SUCLG2: variants seen among roughly 807,000 people sequenced by gnomAD.
SUCLG2 encodes the protein succinate--CoA ligase [GDP-forming] subunit beta, mitochondrial.
In SUCLG2, 42 loss-of-function variants were observed where a neutral mutation model predicts 47.9. The observed-to-expected ratio is 0.88, with a 90% CI of 0.69 to 1.14. The LOEUF (loss-of-function observed/expected upper bound fraction) is 1.14, where lower values mean the gene tolerates loss of function less well. SUCLG2 is among the 50% of genes most tolerant of loss of function. SUCLG2 has a pLI of 0.00. For synonymous variants in SUCLG2, 195 were observed against 197.3 expected, an observed-to-expected ratio of 0.99 and a Z score of 0.10; for missense variants, 571 against 525.9, an observed-to-expected ratio of 1.09 and a Z score of -0.84.
chr3:67,558,821 T>C (rs1392901806), intron 2 of SUCLG2, among the ~76,000 whole-genome samples: 1 of 152,198 alleles, frequency 6.6e-6, no homozygotes, highest in African/African-American at 2.4e-5. Context: ...TCAGGCTGGT[T>C]TGTTAACCAG....
intron 1 of SUCLG2, among the ~76,000 whole-genome samples, chr3:67,620,189 G>A (rs1700708238): frequency 6.6e-6 from 1 of 152,206 alleles, no homozygotes; most frequent in African/African-American, 2.4e-5. Context: ...TTTGTGGTCA[G>A]CAAGCTTTTG....
At chr3:67,549,766 C>G (rs1294310847) in intron 2 of SUCLG2, among the ~76,000 whole-genome samples, 1 of 151,996 alleles carries the variant, frequency 6.6e-6, no homozygotes. Context: ...ATATACAAAT[C>G]TATAACTGAG....
chr3:67,451,236 C>T (rs576989381), intron 9 of SUCLG2, among the ~76,000 whole-genome samples: 2 of 152,288 alleles, frequency 1.3e-5, no homozygotes, highest in East Asian at 3.9e-4. Context: ...TTCCTTCATC[C>T]AAACTTTACT....
chr3:67,390,652 GTT>G (rs200231997), intron 10 of SUCLG2, among the ~76,000 whole-genome samples: 2 of 145,200 alleles, frequency 1.4e-5, no homozygotes, highest in East Asian at 2.0e-4. Flanking sequence ...TGAAATGAGG[GTT>G]TTTTTTTTTT....
At chr3:67,407,522 T>C (rs1702842059) in intron 9 of SUCLG2, among the ~76,000 whole-genome samples, 1 of 152,190 alleles carries the variant, frequency 6.6e-6, no homozygotes, top group Non-Finnish European at 1.5e-5. Flanking sequence ...CTCCCTGACA[T>C]TGGTTGGAAG....
intron 2 of SUCLG2, among the ~76,000 whole-genome samples, chr3:67,548,583 T>C (rs1706929114): frequency 6.6e-6 from 1 of 152,244 alleles, no homozygotes; most frequent in African/African-American, 2.4e-5. Flanking sequence ...AGGTAAAATT[T>C]AATTTCAGTG....
chr3:67,408,990 C>A, intron 9 of SUCLG2: 1 of 1,535,416 alleles, frequency 6.5e-7, no homozygotes, highest in Non-Finnish European at 8.7e-7. Flanking sequence ...GCTTCTGAGT[C>A]CTGTATTCTG....
intron 2 of SUCLG2, among the ~76,000 whole-genome samples, chr3:67,602,961 A>C (rs1464834381): frequency 1.3e-5 from 2 of 152,190 alleles, no homozygotes; most frequent in African/African-American, 2.4e-5. Context: ...GGAAGGAACC[A>C]AAGAGGCCAA....
chr3:67,584,997 T>C (rs953613511), intron 2 of SUCLG2, among the ~76,000 whole-genome samples: 1 of 152,202 alleles, frequency 6.6e-6, no homozygotes. Context: ...AGCCAAACCA[T>C]ATCCTATGGA....
chr3:67,476,528 T>A (rs568244452), intron 9 of SUCLG2, among the ~76,000 whole-genome samples: 73 of 152,214 alleles, frequency 4.8e-4, no homozygotes, highest in African/African-American at 1.7e-3. Context: ...AATTATTTCA[T>A]TACATATTAC....
At chr3:67,634,545 GCTC>G (rs1180535279) in intron 1 of SUCLG2, among the ~76,000 whole-genome samples, 1 of 151,922 alleles carries the variant, frequency 6.6e-6, no homozygotes, top group Non-Finnish European at 1.5e-5. Context: ...TTAATAATTT[GCTC>G]CTCAATATGA....
chr3:67,362,781 C>A (rs190661308), intron 10 of SUCLG2, among the ~76,000 whole-genome samples: 163 of 152,290 alleles, frequency 1.1e-3, no homozygotes, highest in Non-Finnish European at 2.0e-3. Flanking sequence ...GTAACTGGAG[C>A]TGCCTCATTC....
chr3:67,547,117 G>A (rs997935569), intron 2 of SUCLG2, among the ~76,000 whole-genome samples: 4 of 152,100 alleles, frequency 2.6e-5, no homozygotes, highest in African/African-American at 9.7e-5. Context: ...TGGGAGGTGG[G>A]GGCAGAGACC....
intron 2 of SUCLG2, among the ~76,000 whole-genome samples, chr3:67,556,014 G>A (rs1445949553): frequency 4.6e-5 from 7 of 152,210 alleles, no homozygotes; most frequent in African/African-American, 1.4e-4. Flanking sequence ...CCGAGTGGGG[G>A]ACCTGATTCT....
At chr3:67,595,013 T>G (rs1708262970) in intron 2 of SUCLG2, among the ~76,000 whole-genome samples, 1 of 152,148 alleles carries the variant, frequency 6.6e-6, no homozygotes. Context: ...CTACTTTGCT[T>G]AAGTCAAAGG....
At chr3:67,563,510 A>C (rs1435786705) in intron 2 of SUCLG2, among the ~76,000 whole-genome samples, 3 of 152,194 alleles carry the variant, frequency 2.0e-5, no homozygotes, top group Non-Finnish European at 4.4e-5. Flanking sequence ...AAAAGAATGA[A>C]GCTGTTCCCT....
At chr3:67,396,270 G>A (rs1373832304) in intron 10 of SUCLG2, among the ~76,000 whole-genome samples, 1 of 152,034 alleles carries the variant, frequency 6.6e-6, no homozygotes, top group Non-Finnish European at 1.5e-5. Flanking sequence ...TTGATAGACT[G>A]CTAGCAAGAC....
downstream of SUCLG2, among the ~76,000 whole-genome samples, chr3:67,374,240 A>G (rs1052600760): frequency 2.6e-5 from 4 of 152,228 alleles, no homozygotes; most frequent in Admixed American, 6.5e-5. Flanking sequence ...GATCTATCCA[A>G]TAGTTTATTT....
intron 9 of SUCLG2, among the ~76,000 whole-genome samples, chr3:67,454,309 G>A (rs2106942838): frequency 6.6e-6 from 1 of 152,170 alleles, no homozygotes; most frequent in Admixed American, 6.5e-5. Flanking sequence ...ATTGGTTTGA[G>A]ATCCAGGAAC....
Sources: allele counts gnomAD v4.1 joint callset (sites outside exome capture counted in the v4.1 genomes callset), GRCh38; gene constraint gnomAD v4.1.1; transcripts MANE v1.5; gene names NCBI Gene and HGNC (gene_info 2026-07-23, HGNC 2026-07-21).